The following NNT variants were observed in gnomAD, a reference collection of about 807,000 sequenced individuals.
NNT encodes NAD(P) transhydrogenase, mitochondrial.
NNT carries 50 observed loss-of-function variants against 104.8 expected under a neutral mutation model. That is an observed-to-expected ratio of 0.48 (90% CI 0.38 to 0.60). The LOEUF (loss-of-function observed/expected upper bound fraction) is 0.60, where lower values mean the gene tolerates loss of function less well. NNT is among the 20% of genes least tolerant of loss of function. The probability of loss-of-function intolerance (pLI) is 0.00; values close to 1 mark genes in which losing one functional copy is unlikely to be tolerated. For missense variants in NNT, 1,131 were observed against 1,330.7 expected, an observed-to-expected ratio of 0.85 and a Z score of 2.33; for synonymous variants, 461 against 490.4, an observed-to-expected ratio of 0.94 and a Z score of 0.79.
At chr5:43,658,514 C>G (rs1368100699) in intron 16 of NNT, among the ~76,000 whole-genome samples, 1 of 152,154 alleles carries the variant, frequency 6.6e-6, no homozygotes, top group Non-Finnish European at 1.5e-5. Flanking sequence ...AGCCAGCTAA[C>G]TTGGCTAAAC....
At chr5:43,647,801 G>A in intron 10 of NNT, 2 of 388,046 alleles carry the variant, frequency 5.2e-6, no homozygotes, top group Non-Finnish European at 5.3e-6. Context: ...CTTGACTAAT[G>A]TGGTCATGAT....
chr5:43,630,652 C>G (rs746512207), intron 7 of NNT, among the ~76,000 whole-genome samples: 1 of 152,194 alleles, frequency 6.6e-6, no homozygotes, highest in Non-Finnish European at 1.5e-5. Flanking sequence ...TGATGTCAAA[C>G]CAATAAGTGT....
At chr5:43,700,623 C>T (rs1016989572) in intron 20 of NNT, among the ~76,000 whole-genome samples, 3 of 152,188 alleles carry the variant, frequency 2.0e-5, no homozygotes, top group African/African-American at 4.8e-5. Flanking sequence ...GTGTCTGATT[C>T]TTGCCAGTCT....
At chr5:43,620,467 G>A (rs553155901) in intron 5 of NNT, among the ~76,000 whole-genome samples, 10 of 152,046 alleles carry the variant, frequency 6.6e-5, no homozygotes, top group Admixed American at 4.6e-4. Flanking sequence ...TGATCCGCCC[G>A]CCTTGGCCTC....
chr5:43,693,527 C>A (rs1311432373), intron 19 of NNT, among the ~76,000 whole-genome samples: 1 of 152,104 alleles, frequency 6.6e-6, no homozygotes, highest in Non-Finnish European at 1.5e-5. Flanking sequence ...AGTTTGAAAA[C>A]AGCTGTAGTA....
rs1321797709 is a variant in NNT at position 43,644,665 on chromosome 5, A to G, written c.1153A>G (p.Ser385Gly). The part of the protein sequence containing the change: ...DLPSRMATQA[S>G]TLYSNNITKL... ...GCCCAGCCGAATGGCCACTCAGGCC[A>G]GCACCCTATATTCCAACAACATCAC... is the stretch of plus-strand genomic sequence containing the variant. The change falls in exon 9 of 22, where the codon AGC becomes GGC. Residue 385 changes from serine to glycine, a missense_variant. Transcript: ENST00000344920. 1 of 1,614,216 alleles carries G rather than the reference A, an allele frequency of 6.2e-7. No homozygotes were observed. The highest frequency in any genetic ancestry group is 1.7e-5 in the Admixed American group (1 of 60,028).
At chr5:43,667,226 T>C in intron 17 of NNT, 1 of 1,068,832 alleles carries the variant, frequency 9.4e-7, no homozygotes, top group Non-Finnish European at 1.4e-6. Flanking sequence ...TTCTTGGACT[T>C]GGCCATGTCT....
intron 17 of NNT, among the ~76,000 whole-genome samples, chr5:43,661,561 T>TCC (rs1463284980): frequency 3.7e-5 from 2 of 53,932 alleles, no homozygotes; most frequent in Non-Finnish European, 6.6e-5. Flanking sequence ...CCCTCCCCCC[T>TCC]CCCCCCACCC....
chr5:43,706,350 A>T lies in NNT; in HGVS notation c.*1946A>T, dbSNP rs1743093575. Reference sequence around the variant, plus strand: ...CTATTTCATTATTCCTCTTTTTCCAATAAGTCATACAATTGGTAGATATGA... The same window carrying T: ...CTATTTCATTATTCCTCTTTTTCCATTAAGTCATACAATTGGTAGATATGA... On this transcript the variant is annotated 3_prime_UTR_variant, in exon 22 of 22. Coordinates refer to ENST00000344920, the MANE Select transcript of NNT (RefSeq NM_182977.3). 6.6e-6 allele frequency: 1 copy of T among 151,768 alleles called. No homozygotes were observed. The highest frequency in any genetic ancestry group is 1.5e-5 in the Non-Finnish European group (1 of 67,910). 9.4% of individuals were successfully genotyped at this position (151,768 alleles called of 1,614,324 possible).
chr5:43,633,789 T>C (rs1425363731), intron 7 of NNT, among the ~76,000 whole-genome samples: 1 of 152,218 alleles, frequency 6.6e-6, no homozygotes, highest in Non-Finnish European at 1.5e-5. Flanking sequence ...CAAATTCTTA[T>C]AGAACACTCT....
chr5:43,703,998 CTT>C (rs904189909), intron 21 of NNT, among the ~76,000 whole-genome samples: 3 of 152,122 alleles, frequency 2.0e-5, no homozygotes, highest in African/African-American at 7.2e-5. Context: ...TAATTGTAAT[CTT>C]ATCACTCAGA....
In NNT at chr5:43,659,370, T is replaced by G; in HGVS notation, c.2634+20T>G. ...TGTGTGGTAAGAAACAACACATACA[T>G]GAAACAAAAGGAAATGGCTTCCTGA... is the stretch of plus-strand genomic sequence containing the variant. On this transcript the variant is annotated intron_variant, in intron 17 of 21. Coordinates refer to ENST00000344920, the MANE Select transcript of NNT (RefSeq NM_182977.3). 1 of 1,578,896 alleles carries G rather than the reference T, an allele frequency of 6.3e-7. No individual in the cohort carries two copies. The highest frequency in any genetic ancestry group is 8.6e-7 in the Non-Finnish European group (1 of 1,161,796).
intron 17 of NNT, among the ~76,000 whole-genome samples, chr5:43,670,590 T>C (rs1741005533): frequency 6.6e-6 from 1 of 152,218 alleles, no homozygotes; most frequent in Non-Finnish European, 1.5e-5. Context: ...AGTTGAGTGG[T>C]TTTCAGTGAG....
intron 17 of NNT, among the ~76,000 whole-genome samples, chr5:43,669,332 T>C (rs1412350573): frequency 1.3e-5 from 2 of 152,146 alleles, no homozygotes; most frequent in Non-Finnish European, 2.9e-5. Flanking sequence ...ATAGGAGTGG[T>C]GAGAGAGGGC....
chr5:43,688,953 T>C (rs1036783399), intron 19 of NNT, among the ~76,000 whole-genome samples: 3 of 152,238 alleles, frequency 2.0e-5, no homozygotes, highest in South Asian at 2.1e-4. Context: ...CTTTCAGTTC[T>C]TTAAAGAATC....
chr5:43,706,314 T>C lies in NNT; in HGVS notation c.*1910T>C, dbSNP rs1743092431. 6.6e-6 allele frequency: 1 copy of C among 151,778 alleles called. No individual in the cohort carries two copies. Among genetic ancestry groups the C allele is most frequent in the Non-Finnish European group, 1.5e-5 (1 of 67,904 alleles). 9.4% of individuals were successfully genotyped at this position (151,778 alleles called of 1,614,324 possible). A position where few individuals can be genotyped will look rare whatever the true frequency, so the allele number is the denominator to read the frequency against. ...AAAATCTAAAAACAACAAAAATGAT[T>C]TTTATACATTCTATTTCATTATTCC... On this transcript the variant is annotated 3_prime_UTR_variant, in exon 22 of 22. Transcript: ENST00000344920.
chr5:43,667,001 G>T, intron 17 of NNT: 1 of 1,596,090 alleles, frequency 6.3e-7, no homozygotes, highest in South Asian at 1.1e-5. Context: ...ACCTCCTTGG[G>T]CTTTACGAGG....
intron 7 of NNT, among the ~76,000 whole-genome samples, chr5:43,630,383 A>G (rs78535821): frequency 0.059 from 8,973 of 152,288 alleles, 509 homozygotes; most frequent in African/African-American, 0.14. Flanking sequence ...GATCATTTGA[A>G]GTTCTACCAG....
At chr5:43,685,485 A>AG (rs1561322190) in intron 19 of NNT, among the ~76,000 whole-genome samples, 1 of 151,986 alleles carries the variant, frequency 6.6e-6, no homozygotes, top group Non-Finnish European at 1.5e-5. Context: ...TAAAGAGCTT[A>AG]TTTTTTTTAA....
Sources: gnomAD v4.1 joint callset for allele counts (sites outside exome capture counted in the v4.1 genomes callset) on GRCh38, gnomAD v4.1.1 for gene constraint, MANE v1.5 for transcripts, NCBI Gene and HGNC (gene_info 2026-07-23, HGNC 2026-07-21) for gene names.